The following STRAP variants were observed in gnomAD, a reference collection of about 807,000 sequenced individuals.
STRAP encodes the protein serine-threonine kinase receptor-associated protein.
In STRAP, 16 loss-of-function variants were observed where a neutral mutation model predicts 47.0. The observed-to-expected ratio is 0.34, with a 90% CI of 0.23 to 0.52. The LOEUF is 0.52. STRAP is among the 20% of genes least tolerant of loss of function. The pLI is 0.96. For synonymous variants in STRAP, 130 were observed against 142.7 expected (o/e 0.91, Z 0.63); for missense variants, 293 against 420.0 (o/e 0.70, Z 2.64).
rs187656000 is a variant in STRAP at position 15,883,170 on chromosome 12, T to C, written c.112+351T>C. 3.4e-5 allele frequency: 52 copies of C among 1,519,070 alleles called. No homozygotes were observed. The East Asian group carries it at 1.3e-3, about 37-fold the overall frequency. 94.1% of individuals were successfully genotyped at this position (1,519,070 alleles called of 1,614,324 possible). A position where few individuals can be genotyped will look rare whatever the true frequency, so the allele number is the denominator to read the frequency against. On this transcript the variant is annotated intron_variant, in intron 1 of 9. Coordinates refer to ENST00000419869, the MANE Select transcript of STRAP (RefSeq NM_007178.4). ...GGAAAGGAGAAATTAGGCCAGGCCG[T>C]GCAATACCTTACAAAGACGTTCGCT...
chr12:15,899,692 A>G (rs1342945321), intron 7 of STRAP, among the ~76,000 whole-genome samples: 1 of 152,208 alleles, frequency 6.6e-6, no homozygotes, highest in East Asian at 1.9e-4. Context: ...GTTTGAAACT[A>G]GAATGTGTGC....
chr12:15,882,573 C>T lies in STRAP; in HGVS notation c.-135C>T. 2 of 718,970 alleles carry T rather than the reference C, an allele frequency of 2.8e-6. No individual in the cohort carries two copies. Among genetic ancestry groups the T allele is most frequent in the Non-Finnish European group, 4.6e-6 (2 of 432,590 alleles). 44.5% of individuals were successfully genotyped at this position (718,970 alleles called of 1,614,324 possible). ...CTAACCTCGGTGCCACCGGATTGCC[C>T]TTCTTTTCCTGTTGCCCAGCCCAGC... is the stretch of plus-strand genomic sequence containing the variant. On this transcript the variant is annotated 5_prime_UTR_variant, in exon 1 of 10. Transcript: ENST00000419869.
intron 2 of STRAP, among the ~76,000 whole-genome samples, chr12:15,885,944 CG>C (rs1444748120): frequency 6.6e-6 from 1 of 152,178 alleles, no homozygotes; most frequent in Non-Finnish European, 1.5e-5. Flanking sequence ...TATCACCACC[CG>C]CACTTGATCA....
In STRAP at chr12:15,898,926, C is replaced by A. The variant is rs531335349; in HGVS notation, c.775+908C>A. Among the ~76,000 whole-genome samples the A allele has an allele frequency of 1.1e-4, 17 of 152,240 alleles. 1 individual carries two copies. Among genetic ancestry groups the A allele is most frequent in the African/African-American group, 4.1e-4 (17 of 41,528 alleles). Reference sequence around the variant, plus strand: ...ATGCATCTGGGTTGCACAAATGGAACCTTGGTGATGGACCATGTAGAATCT... The same window carrying A: ...ATGCATCTGGGTTGCACAAATGGAAACTTGGTGATGGACCATGTAGAATCT... On this transcript the variant is annotated intron_variant, in intron 7 of 9. Coordinates refer to ENST00000419869, the MANE Select transcript of STRAP (RefSeq NM_007178.4).
intron 2 of STRAP, among the ~76,000 whole-genome samples, chr12:15,886,263 C>T (rs1591983372): frequency 6.6e-6 from 1 of 151,394 alleles, no homozygotes; most frequent in African/African-American, 2.4e-5. Context: ...GATCATAGCT[C>T]ACTGCAGCCT....
rs779916717 is a variant in STRAP, at chr12:15,900,953, ATAG to A, written c.934_936del (p.Ser312del). The A allele has an allele frequency of 4.4e-5, 70 of 1,593,588 alleles. No homozygotes were observed. Among genetic ancestry groups the A allele is most frequent in the Non-Finnish European group, 6.0e-5 (70 of 1,170,472 alleles). ...ATTGCTTTTCTTTTTACAGAAGAAG[ATAG>A]TGGTGAGCTGGCAAAGCCAAAGATT... On this transcript the variant is annotated inframe_deletion, in exon 9 of 10. Coordinates refer to ENST00000419869, the MANE Select transcript of STRAP (RefSeq NM_007178.4).
At chr12:15,893,911 T>C (rs1948038735) in intron 4 of STRAP, 136 bp from the exon 5 acceptor site, 2 of 670,632 alleles carry the variant, frequency 3.0e-6, no homozygotes, top group Admixed American at 5.7e-5. Flanking sequence ...AAACATCAAG[T>C]TTGAATTGGG....
chr12:15,883,510 T>C (rs1448903773), intron 1 of STRAP, 31 bp from the exon 2 acceptor site: 14 of 1,595,114 alleles, frequency 8.8e-6, no homozygotes, highest in Admixed American at 8.6e-5. Context: ...TCTGAACTTA[T>C]AAATTACATG....
chr12:15,903,133 T>TA lies in STRAP; in HGVS notation c.*155_*156insA. The TA allele has an allele frequency of 2.8e-6, 2 of 719,708 alleles. No individual in the cohort carries two copies. The highest frequency in any genetic ancestry group is 4.1e-6 in the Non-Finnish European group (2 of 491,548). 44.6% of individuals were successfully genotyped at this position (719,708 alleles called of 1,614,324 possible). A position where few individuals can be genotyped will look rare whatever the true frequency, so the allele number is the denominator to read the frequency against. On this transcript the variant is annotated 3_prime_UTR_variant, in exon 10 of 10. Transcript: ENST00000419869. ...CCAGTGCTGGAACAACTAACTAACT[T>TA]GGTGTTACCTGTAAGTGAAAACTCA...
At chr12:15,893,457 TAATA>T (rs907958416) in intron 4 of STRAP, among the ~76,000 whole-genome samples, 16 of 147,038 alleles carry the variant, frequency 1.1e-4, no homozygotes, top group African/African-American at 3.9e-4. Flanking sequence ...ATTATACATA[TAATA>T]AATATATACT....
At chr12:15,885,373 G>C (rs554842985) in intron 2 of STRAP, among the ~76,000 whole-genome samples, 18 of 151,816 alleles carry the variant, frequency 1.2e-4, no homozygotes, top group African/African-American at 4.1e-4. Flanking sequence ...ATATTTAGTA[G>C]AGACGGGGTT....
At position 15,898,090 on chromosome 12, in the gene STRAP, A is replaced by T. The variant is rs113842973; in HGVS notation, c.775+72A>T. The T allele has an allele frequency of 2.7e-4, 265 of 968,708 alleles. 8 individuals are homozygous for T. In the African/African-American group the frequency reaches 3.3e-3, roughly 12 times the overall value. The allele number at this position is 968,708 out of a possible 1,614,324, so 60.0% of individuals were successfully genotyped here. Reference sequence around the variant, plus strand: ...AGTCCCAGTAATTAACACCTCATTTATATATATATATATGTTACATATATA... The same window carrying T: ...AGTCCCAGTAATTAACACCTCATTTTTATATATATATATGTTACATATATA... On this transcript the variant is annotated intron_variant, in intron 7 of 9. Coordinates refer to ENST00000419869, the MANE Select transcript of STRAP (RefSeq NM_007178.4).
At position 15,900,073 on chromosome 12, in the gene STRAP, A is replaced by G. The variant is rs1319937560; in HGVS notation, c.925+20A>G. Reference sequence around the variant, plus strand: ...TTCCTGGTAAGAATTTTTATTCAGAATAATAAAATTTTTAAAATGCATGAT... The same window carrying G: ...TTCCTGGTAAGAATTTTTATTCAGAGTAATAAAATTTTTAAAATGCATGAT... On this transcript the variant is annotated intron_variant, in intron 8 of 9. Coordinates refer to ENST00000419869, the MANE Select transcript of STRAP (RefSeq NM_007178.4). 1.3e-6 allele frequency: 2 copies of G among 1,590,502 alleles called. No homozygotes were observed. Among genetic ancestry groups the G allele is most frequent in the South Asian group, 2.3e-5 (2 of 85,512 alleles).
chr12:15,884,596 A>G (rs1236265189), intron 2 of STRAP, among the ~76,000 whole-genome samples: 8 of 151,808 alleles, frequency 5.3e-5, no homozygotes, highest in African/African-American at 1.7e-4. Context: ...TTTACTATAC[A>G]GACAGTATCT....
chr12:15,882,607 C>T lies in STRAP; in HGVS notation c.-101C>T. On this transcript the variant is annotated 5_prime_UTR_variant, in exon 1 of 10. Transcript: ENST00000419869. Reference sequence around the variant, plus strand: ...CTGTTGCCCAGCCCAGCCCTAGTGTCAGGGCGGGGGCCTGGAGCAGCCCGA... The same window carrying T: ...CTGTTGCCCAGCCCAGCCCTAGTGTTAGGGCGGGGGCCTGGAGCAGCCCGA... The T allele has an allele frequency of 2.0e-6, 2 of 989,322 alleles. No homozygotes were observed. The highest frequency in any genetic ancestry group is 3.0e-6 in the Non-Finnish European group (2 of 656,394). 61.3% of individuals were successfully genotyped at this position (989,322 alleles called of 1,614,324 possible). A position where few individuals can be genotyped will look rare whatever the true frequency, so the allele number is the denominator to read the frequency against.
chr12:15,890,077 C>G lies in STRAP; in HGVS notation c.330+68C>G. ...TACATAGTGTGATAATGCTTTTATA[C>G]TTGATTGGTGTGTATATTTGATTGA... On this transcript the variant is annotated intron_variant, in intron 3 of 9. Coordinates refer to ENST00000419869, the MANE Select transcript of STRAP (RefSeq NM_007178.4). This position sits in a 1 kb window ranked among gnomAD's most constrained non-coding sequence, Gnocchi z 4.5. 1.5e-6 allele frequency: 2 copies of G among 1,320,236 alleles called. No individual in the cohort carries two copies. Among genetic ancestry groups the G allele is most frequent in the Non-Finnish European group, 2.2e-6 (2 of 915,686 alleles). 81.8% of individuals were successfully genotyped at this position (1,320,236 alleles called of 1,614,324 possible). A position where few individuals can be genotyped will look rare whatever the true frequency, so the allele number is the denominator to read the frequency against.
chr12:15,882,518 C>T lies in STRAP; in HGVS notation c.-190C>T. 1.7e-6 allele frequency: 1 copy of T among 580,360 alleles called. No homozygotes were observed. The highest frequency in any genetic ancestry group is 3.1e-6 in the Non-Finnish European group (1 of 324,614). 36.0% of individuals were successfully genotyped at this position (580,360 alleles called of 1,614,324 possible). On this transcript the variant is annotated 5_prime_UTR_variant, in exon 1 of 10. Coordinates refer to ENST00000419869, the MANE Select transcript of STRAP (RefSeq NM_007178.4). ...CTCGTCGACTGTTGCTTGCTGGTCG[C>T]AGACTCCCTGACCCCTCCCTCACCC...
intron 8 of STRAP, 53 bp downstream of exon 8, chr12:15,900,106 C>A: frequency 6.7e-7 from 1 of 1,487,960 alleles, no homozygotes; most frequent in Non-Finnish European, 9.1e-7. Flanking sequence ...GATTTTATGT[C>A]ATTTTTAATC....
intron 2 of STRAP, among the ~76,000 whole-genome samples, chr12:15,884,706 T>C (rs540082937): frequency 1.3e-5 from 2 of 152,190 alleles, no homozygotes; most frequent in Non-Finnish European, 2.9e-5. Context: ...GGTACAGAAA[T>C]TCTGGTTTGA....
Sources: allele counts gnomAD v4.1 joint callset (sites outside exome capture counted in the v4.1 genomes callset), GRCh38; gene constraint gnomAD v4.1.1; non-coding constraint Gnocchi (gnomAD v3.1); transcripts MANE v1.5; gene names NCBI Gene and HGNC (gene_info 2026-07-23, HGNC 2026-07-21).